Variants in COPS4 observed in about 807,000 individuals in gnomAD.
The protein encoded by COPS4 is COP9 signalosome subunit 4.
Under a neutral mutation model 55.1 loss-of-function variants are expected in COPS4, and 8 were observed. The ratio of observed to expected loss-of-function variants is 0.15; its 90% CI spans 0.09 to 0.26. The LOEUF (loss-of-function observed/expected upper bound fraction) is 0.26. COPS4 is among the 10% of genes least tolerant of loss of function. The pLI is 1.00. For missense variants in COPS4, 248 were observed against 484.0 expected (o/e 0.51, Z 4.58); for synonymous variants, 185 against 165.7 (o/e 1.12, Z -0.90).
intron 6 of COPS4, 132 bp downstream of exon 6, chr4:83,057,540 G>A (rs1330071320): frequency 4.1e-5 from 25 of 606,500 alleles, no homozygotes; most frequent in Non-Finnish European, 6.4e-5. Context: ...TATGGTAAAT[G>A]TAGTTTAAGT....
chr4:83,049,889 C>T lies in COPS4; in HGVS notation c.315C>T (p.Ser105=), dbSNP rs1217313002. ...TATACCTATTATTCCAGGTTGCTTC[C>T]ATAAGACAGCATCTTGCATCTATAT... is the stretch of plus-strand genomic sequence containing the variant. The part of the protein sequence containing the change: ...RVISFEEQVA[S]IRQHLASIYE... The change falls in exon 4 of 10, where the codon TCC becomes TCT. Residue 105 remains serine (S), a synonymous_variant. Coordinates refer to ENST00000264389, the MANE Select transcript of COPS4 (RefSeq NM_016129.3). 4 of 1,596,566 alleles carry T rather than the reference C, an allele frequency of 2.5e-6. No homozygotes were observed. In the African/African-American group the frequency reaches 5.4e-5, roughly 22 times the overall value.
intron 2 of COPS4, among the ~76,000 whole-genome samples, chr4:83,047,832 C>T (rs777449539): frequency 5.3e-5 from 8 of 151,766 alleles, no homozygotes; most frequent in Non-Finnish European, 1.0e-4. Context: ...AACCCTATCT[C>T]TACTAAAAAT....
chr4:83,074,174 A>G (rs1344728828), intron 9 of COPS4, among the ~76,000 whole-genome samples: 1 of 152,202 alleles, frequency 6.6e-6, no homozygotes, highest in Non-Finnish European at 1.5e-5. Flanking sequence ...TTGAATGTGT[A>G]AACAGACTTG....
At chr4:83,068,073 G>A (rs1021812870) in intron 8 of COPS4, among the ~76,000 whole-genome samples, 21 of 152,274 alleles carry the variant, frequency 1.4e-4, no homozygotes, top group Non-Finnish European at 2.8e-4. Flanking sequence ...AGTTTCTGGG[G>A]TAGCAAATAC....
chr4:83,066,437 G>T lies in COPS4; in HGVS notation c.887-1G>T. ...TTGTAACTGTCTTATTTATGTTTAA[G>T]GTTCCAGCATCTTGGACAGAGCTGT... On this transcript the variant is annotated splice_acceptor_variant, in intron 7 of 9. Coordinates refer to ENST00000264389, the MANE Select transcript of COPS4 (RefSeq NM_016129.3). LOFTEE classifies it high-confidence loss of function. 1.4e-6 allele frequency: 2 copies of T among 1,460,740 alleles called. No homozygotes were observed. Among genetic ancestry groups the T allele is most frequent in the South Asian group, 1.3e-5 (1 of 75,786 alleles). The allele number at this position is 1,460,740 out of a possible 1,614,324, so 90.5% of individuals were successfully genotyped here. A position where few individuals can be genotyped will look rare whatever the true frequency, so the allele number is the denominator to read the frequency against.
At chr4:83,052,743 C>T (rs1310318708) in intron 4 of COPS4, among the ~76,000 whole-genome samples, 5 of 152,122 alleles carry the variant, frequency 3.3e-5, no homozygotes, top group Admixed American at 6.6e-5. Context: ...CACACCACTA[C>T]GCCTGGCTAA....
chr4:83,052,936 G>C (rs980703356), intron 4 of COPS4, among the ~76,000 whole-genome samples: 1 of 152,220 alleles, frequency 6.6e-6, no homozygotes, highest in Non-Finnish European at 1.5e-5. Context: ...CAGCTGGAAC[G>C]GTGGATGGGG....
In COPS4 at chr4:83,056,914, G is replaced by T; in HGVS notation, c.411-12G>T. 6.4e-7 allele frequency: 1 copy of T among 1,561,742 alleles called. No homozygotes were observed. The highest frequency in any genetic ancestry group is 8.7e-7 in the Non-Finnish European group (1 of 1,152,986). ...ATGTTGAGTCATTATGTGTTTTTCT[G>T]TTACATCCTAGACAGTACAATGTAG... On this transcript the variant is annotated splice_polypyrimidine_tract_variant and intron_variant, in intron 4 of 9. Coordinates refer to ENST00000264389, the MANE Select transcript of COPS4 (RefSeq NM_016129.3).
chr4:83,061,462 A>C (rs960515424), intron 6 of COPS4, among the ~76,000 whole-genome samples: 4 of 152,084 alleles, frequency 2.6e-5, no homozygotes, highest in Non-Finnish European at 5.9e-5. Flanking sequence ...CTTTTGCTCA[A>C]ATTTATGAAA....
At chr4:83,064,850 G>A (rs1331287954) in intron 7 of COPS4, among the ~76,000 whole-genome samples, 1 of 134,822 alleles carries the variant, frequency 7.4e-6, no homozygotes, top group Non-Finnish European at 1.5e-5. Flanking sequence ...ATGAGCCACT[G>A]TGCCTGGTTA....
At chr4:83,038,148 C>T (rs1175831423) in intron 1 of COPS4, among the ~76,000 whole-genome samples, 1 of 152,246 alleles carries the variant, frequency 6.6e-6, no homozygotes, top group South Asian at 2.1e-4. Flanking sequence ...TCAAAGGCCC[C>T]TTCTAACTCA....
chr4:83,074,347 C>A (rs184793950), intron 9 of COPS4, among the ~76,000 whole-genome samples: 14 of 151,976 alleles, frequency 9.2e-5, no homozygotes, highest in Non-Finnish European at 1.3e-4. Flanking sequence ...TTGTTTTATA[C>A]CTTGTGCCAG....
intron 1 of COPS4, among the ~76,000 whole-genome samples, chr4:83,038,800 C>T (rs1730488708): frequency 6.6e-6 from 1 of 152,070 alleles, no homozygotes; most frequent in Non-Finnish European, 1.5e-5. Flanking sequence ...TGCCACCACA[C>T]CCGACTACTT....
At chr4:83,073,617 G>A (rs113566223) in intron 9 of COPS4, among the ~76,000 whole-genome samples, 42 of 152,320 alleles carry the variant, frequency 2.8e-4, no homozygotes, top group African/African-American at 9.6e-4. Context: ...ACCTGGGAAT[G>A]TGATTTGTGT....
chr4:83,050,840 G>C (rs936680126), intron 4 of COPS4, among the ~76,000 whole-genome samples: 1 of 152,142 alleles, frequency 6.6e-6, no homozygotes, highest in Non-Finnish European at 1.5e-5. Context: ...TGAAATGAGG[G>C]GGAGCCATTG....
intron 8 of COPS4, among the ~76,000 whole-genome samples, chr4:83,067,524 CT>C (rs34638314): frequency 0.49 from 63,475 of 129,712 alleles, 17,074 homozygotes; most frequent in East Asian, 0.74. Flanking sequence ...ACGCCCAGCC[CT>C]TTTTTTTTTT....
chr4:83,065,155 G>A, intron 7 of COPS4: 1 of 560,930 alleles, frequency 1.8e-6, no homozygotes, highest in South Asian at 2.2e-5. Flanking sequence ...GGATGATAGG[G>A]GTAAGCCACT....
chr4:83,054,412 G>A (rs1275844936), intron 4 of COPS4, among the ~76,000 whole-genome samples: 1 of 152,174 alleles, frequency 6.6e-6, no homozygotes, highest in African/African-American at 2.4e-5. Context: ...CCAGGTGAAC[G>A]GGGGATTCTT....
At chr4:83,060,738 AGAATCCTT>A in intron 6 of COPS4, among the ~76,000 whole-genome samples, 1 of 151,932 alleles carries the variant, frequency 6.6e-6, no homozygotes, top group Admixed American at 6.6e-5. Context: ...GCAGCCATTA[AGAATCCTT>A]GCTTGAGGCC....
Sources: gnomAD v4.1 joint callset for allele counts (sites outside exome capture counted in the v4.1 genomes callset) on GRCh38, gnomAD v4.1.1 for gene constraint, MANE v1.5 for transcripts, NCBI Gene and HGNC (gene_info 2026-07-23, HGNC 2026-07-21) for gene names.